Variants in PAK2 observed in about 807,000 individuals in gnomAD.
PAK2 encodes the protein p21 (RAC1) activated kinase 2, also known as serine/threonine-protein kinase PAK 2.
In PAK2, 21 loss-of-function variants were observed where a neutral mutation model predicts 65.9. The observed-to-expected ratio is 0.32, with a 90% CI of 0.23 to 0.46. The LOEUF is 0.46. Among genes scored for constraint, PAK2 ranks in the 20% least tolerant of loss-of-function variants. The pLI is 1.00. For synonymous variants in PAK2, 204 were observed against 219.7 expected, an observed-to-expected ratio of 0.93 and a Z score of 0.63; for missense variants, 324 against 642.6, an observed-to-expected ratio of 0.50 and a Z score of 5.36.
At chr3:196,797,047 A>T (rs1715278376) in intron 2 of PAK2, among the ~76,000 whole-genome samples, 1 of 143,440 alleles carries the variant, frequency 7.0e-6, no homozygotes, top group Admixed American at 6.8e-5. Context: ...ATCGCTAAGG[A>T]TATAAAAAAT....
intron 1 of PAK2, among the ~76,000 whole-genome samples, chr3:196,745,099 A>C (rs985782817): frequency 6.8e-6 from 1 of 148,044 alleles, no homozygotes; most frequent in African/African-American, 2.5e-5. Flanking sequence ...TGGTACTTTT[A>C]ATAATTATTG....
intron 2 of PAK2, among the ~76,000 whole-genome samples, chr3:196,799,616 C>T (rs1484684044): frequency 3.3e-5 from 5 of 152,172 alleles, no homozygotes; most frequent in Admixed American, 2.6e-4. Flanking sequence ...GGTCCTTGAC[C>T]TGGAGGACTT....
At chr3:196,777,113 T>C (rs1159529447) in intron 1 of PAK2, among the ~76,000 whole-genome samples, 1 of 152,262 alleles carries the variant, frequency 6.6e-6, no homozygotes, top group African/African-American at 2.4e-5. Flanking sequence ...TATTTTGTTT[T>C]GGAAAATAGT....
At chr3:196,807,611 ATTC>A (rs767549839) in intron 6 of PAK2, among the ~76,000 whole-genome samples, 168 bp from the exon 7 acceptor site, 21 of 152,310 alleles carry the variant, frequency 1.4e-4, no homozygotes, top group Non-Finnish European at 1.5e-4. Flanking sequence ...TTTCACATTT[ATTC>A]TTCTTAGTTA....
At chr3:196,756,199 T>C (rs1432728337) in intron 1 of PAK2, among the ~76,000 whole-genome samples, 1 of 152,166 alleles carries the variant, frequency 6.6e-6, no homozygotes, top group East Asian at 1.9e-4. Flanking sequence ...AATGTGGTGA[T>C]TGAGTGAAAG....
At chr3:196,795,278 A>G (rs1715212368) in intron 2 of PAK2, among the ~76,000 whole-genome samples, 1 of 148,450 alleles carries the variant, frequency 6.7e-6, no homozygotes, top group Admixed American at 6.9e-5. Flanking sequence ...CAACATGGCA[A>G]AATCCCATCT....
In PAK2 at chr3:196,791,368, T is replaced by A. The variant is rs1331855287; in HGVS notation, c.187+8535T>A. Among the ~76,000 whole-genome samples the A allele has an allele frequency of 6.6e-6, 1 of 152,188 alleles. No individual in the cohort carries two copies. The highest frequency in any genetic ancestry group is 1.5e-5 in the Non-Finnish European group (1 of 68,034). ...GATTTTATGTTTATTTTGAATGATC[T>A]AATGTGGCTCTATCTCAAGTTCTGC... On this transcript the variant is annotated intron_variant, in intron 2 of 14. Coordinates refer to ENST00000327134, the MANE Select transcript of PAK2 (RefSeq NM_002577.4). The surrounding 1 kb of genome is among the most constrained non-coding windows in gnomAD (Gnocchi z 4.0).
At chr3:196,743,068 T>C (rs1713259858) in intron 1 of PAK2, among the ~76,000 whole-genome samples, 2 of 152,156 alleles carry the variant, frequency 1.3e-5, no homozygotes, top group South Asian at 4.1e-4. Context: ...CTTCCTAGTA[T>C]CCTTTTTGTG....
In PAK2 at chr3:196,782,634, A is replaced by G; in HGVS notation, c.-13A>G. ...ATTTTTTCCAATTCCAGGCCATTTCATAATTCTGAATCATGTCTGATAACG... is the reference window on the plus strand; with the variant it reads ...ATTTTTTCCAATTCCAGGCCATTTCGTAATTCTGAATCATGTCTGATAACG... On this transcript the variant is annotated 5_prime_UTR_variant, in exon 2 of 15. Coordinates refer to ENST00000327134, the MANE Select transcript of PAK2 (RefSeq NM_002577.4). The G allele has an allele frequency of 6.5e-7, 1 of 1,538,502 alleles. No individual in the cohort carries two copies. The highest frequency in any genetic ancestry group is 8.8e-7 in the Non-Finnish European group (1 of 1,132,766).
intron 13 of PAK2, among the ~76,000 whole-genome samples, chr3:196,824,932 A>G (rs1243519735): frequency 6.6e-6 from 1 of 152,230 alleles, no homozygotes; most frequent in Non-Finnish European, 1.5e-5. Flanking sequence ...CAAATGTCCC[A>G]TAGTATAATA....
chr3:196,826,424 A>C (rs1033242441), intron 13 of PAK2, among the ~76,000 whole-genome samples: 9 of 151,764 alleles, frequency 5.9e-5, no homozygotes, highest in Admixed American at 2.0e-4. Flanking sequence ...GGCCCGCCTT[A>C]GCCTCCCAAA....
chr3:196,810,002 A>G (rs1442209966), intron 7 of PAK2, among the ~76,000 whole-genome samples: 1 of 152,024 alleles, frequency 6.6e-6, no homozygotes, highest in Non-Finnish European at 1.5e-5. Context: ...TTTATGTCAG[A>G]GCATAGTAAT....
intron 2 of PAK2, among the ~76,000 whole-genome samples, chr3:196,796,622 A>G (rs1312556457): frequency 6.6e-6 from 1 of 152,238 alleles, no homozygotes; most frequent in Non-Finnish European, 1.5e-5. Context: ...CTGAGTAGAT[A>G]AAAGGGAATC....
chr3:196,762,081 C>T (rs1171825774), intron 1 of PAK2, among the ~76,000 whole-genome samples: 1 of 137,840 alleles, frequency 7.3e-6, no homozygotes, highest in Non-Finnish European at 1.6e-5. Flanking sequence ...GGCAGAGGCG[C>T]TCCTCACATC....
chr3:196,744,181 G>A (rs1180314199), intron 1 of PAK2, among the ~76,000 whole-genome samples: 1 of 151,994 alleles, frequency 6.6e-6, no homozygotes, highest in African/African-American at 2.4e-5. Flanking sequence ...AGGTCAGCCA[G>A]GACAATACAG....
intron 1 of PAK2, among the ~76,000 whole-genome samples, chr3:196,765,795 A>G (rs1383729122): frequency 1.3e-5 from 2 of 152,196 alleles, no homozygotes; most frequent in Non-Finnish European, 2.9e-5. Context: ...ATTTGCCTAG[A>G]CTGGCTAACA....
intron 1 of PAK2, among the ~76,000 whole-genome samples, chr3:196,752,089 T>G (rs1713623110): frequency 6.6e-6 from 1 of 152,082 alleles, no homozygotes; most frequent in African/African-American, 2.4e-5. Flanking sequence ...CCAACATATC[T>G]CATTATGTGT....
intron 3 of PAK2, 59 bp downstream of exon 3, chr3:196,802,086 C>T: frequency 1.1e-6 from 1 of 896,254 alleles, no homozygotes; most frequent in Non-Finnish European, 1.9e-6. Context: ...AAACATTTTC[C>T]TTCATTATTA....
chr3:196,808,136 G>A (rs1435898582), intron 7 of PAK2: 2 of 373,036 alleles, frequency 5.4e-6, no homozygotes, highest in South Asian at 3.8e-5. Flanking sequence ...TGGCCAACAT[G>A]GTGAAACCCC....
Sources: allele counts gnomAD v4.1 joint callset (sites outside exome capture counted in the v4.1 genomes callset), GRCh38; gene constraint gnomAD v4.1.1; non-coding constraint Gnocchi (gnomAD v3.1); transcripts MANE v1.5; gene names NCBI Gene and HGNC (gene_info 2026-07-23, HGNC 2026-07-21).